The following ASB5 variants were observed in gnomAD, a reference collection of about 807,000 sequenced individuals.
ASB5 encodes ankyrin repeat and SOCS box protein 5.
Under a neutral mutation model 42.1 loss-of-function variants are expected in ASB5, and 45 were observed. The observed-to-expected ratio is 1.07, with a 90% CI of 0.84 to 1.37. The LOEUF (loss-of-function observed/expected upper bound fraction) is 1.37. ASB5 is among the 40% of genes most tolerant of loss of function. ASB5 has a pLI of 0.00. For missense variants in ASB5, 402 were observed against 399.8 expected (o/e 1.01, Z -0.05); for synonymous variants, 147 against 150.6 (o/e 0.98, Z 0.18).
intron 1 of ASB5, among the ~76,000 whole-genome samples, chr4:176,231,631 T>C (rs1753546112): frequency 7.5e-6 from 1 of 133,586 alleles, no homozygotes; most frequent in Non-Finnish European, 1.5e-5. Context: ...GAGATCAGCC[T>C]GGGCAACATA....
intron 1 of ASB5, among the ~76,000 whole-genome samples, chr4:176,244,036 T>C (rs1753862043): frequency 6.6e-6 from 1 of 152,204 alleles, no homozygotes; most frequent in Non-Finnish European, 1.5e-5. Context: ...TAATCACCGA[T>C]GTATTTGGAT....
At chr4:176,271,843 C>G (rs935615375), upstream of ASB5, among the ~76,000 whole-genome samples, 19 of 151,990 alleles carry the variant, frequency 1.3e-4, no homozygotes, top group African/African-American at 4.6e-4. Flanking sequence ...ATAGTTCTAA[C>G]TAAAATACAT....
rs1200634859 is a variant in ASB5, at chr4:176,257,000, T to C, written c.196+11913A>G. 5.3e-5 allele frequency among the ~76,000 whole-genome samples: 8 copies of C among 152,130 alleles called. No individual in the cohort carries two copies. The South Asian group carries it at 6.2e-4, about 12-fold the overall frequency. On this transcript the variant is annotated intron_variant, in intron 1 of 6. Coordinates refer to ENST00000296525, the MANE Select transcript of ASB5 (RefSeq NM_080874.4). ...GAGAAAATAAAGGAAAAAAGACAAA[T>C]CCCTGAGCTAGCTGACTCAGTTCTT...
At chr4:176,248,996 T>A (rs551015294) in intron 1 of ASB5, among the ~76,000 whole-genome samples, 419 of 152,370 alleles carry the variant, frequency 2.7e-3, no homozygotes, top group Non-Finnish European at 4.6e-3. Flanking sequence ...AGACAGAGTC[T>A]TGTTCTGTCG....
intron 1 of ASB5, among the ~76,000 whole-genome samples, chr4:176,263,785 G>A (rs1322788364): frequency 6.6e-6 from 1 of 152,136 alleles, no homozygotes; most frequent in African/African-American, 2.4e-5. Flanking sequence ...CAGGAAACAA[G>A]TTGCTCCTCA....
chr4:176,230,025 C>T (rs778576928), intron 1 of ASB5, among the ~76,000 whole-genome samples: 1 of 152,162 alleles, frequency 6.6e-6, no homozygotes, highest in Non-Finnish European at 1.5e-5. Flanking sequence ...CCTGGATTGG[C>T]ACCCCAGCTC....
At chr4:176,273,470 T>C (rs963031585), upstream of ASB5, among the ~76,000 whole-genome samples, 1 of 151,854 alleles carries the variant, frequency 6.6e-6, no homozygotes, top group Non-Finnish European at 1.5e-5. Flanking sequence ...GAAAAAAAAA[T>C]AAAGGCAAAT....
At chr4:176,270,740 G>C (rs1366385585), upstream of ASB5, among the ~76,000 whole-genome samples, 2 of 152,112 alleles carry the variant, frequency 1.3e-5, no homozygotes, top group East Asian at 3.9e-4. Context: ...CTACTGGTAA[G>C]ACTGTGTCAG....
intron 1 of ASB5, among the ~76,000 whole-genome samples, chr4:176,231,428 AACTTAT>A (rs1753540464): frequency 9.0e-6 from 1 of 110,842 alleles, no homozygotes; most frequent in Non-Finnish European, 1.8e-5. Flanking sequence ...TGCTGGTCCT[AACTTAT>A]TTTTTTCTCC....
rs763092481 is a variant in ASB5, at chr4:176,221,491, T to G, written c.494A>C (p.Glu165Ala). ...ATGCGTTGGGGATGGAAGACATGAC[T>G]CCAGCTGGGCTTTGGCACCATACTC... The part of the protein sequence containing the change: ...LLEYGAKAQL[E>A]SCLPSPTHEA... The change falls in exon 4 of 7, where the codon GAG becomes GCG. Residue 165 changes from glutamate to alanine, a missense_variant. Coordinates refer to ENST00000296525, the MANE Select transcript of ASB5 (RefSeq NM_080874.4). 9 of 1,614,154 alleles carry G rather than the reference T, an allele frequency of 5.6e-6. No homozygotes were observed. The highest frequency in any genetic ancestry group is 5.5e-5 in the South Asian group (5 of 91,086).
chr4:176,261,935 A>G (rs537084248), intron 1 of ASB5, among the ~76,000 whole-genome samples: 91 of 150,902 alleles, frequency 6.0e-4, no homozygotes, highest in African/African-American at 2.2e-3. Flanking sequence ...TTAGTTATGT[A>G]TTACATATTA....
In ASB5 at chr4:176,255,157, C is replaced by G. The variant is rs554871889; in HGVS notation, c.196+13756G>C. On this transcript the variant is annotated intron_variant, in intron 1 of 6. Transcript: ENST00000296525. Reference sequence around the variant, plus strand: ...AAGAAACAAACAAACAAACAAAAAACCACAATGAGATACCATCTCACTTTG... The same window carrying G: ...AAGAAACAAACAAACAAACAAAAAAGCACAATGAGATACCATCTCACTTTG... 2.3e-4 allele frequency among the ~76,000 whole-genome samples: 35 copies of G among 152,136 alleles called. No homozygotes were observed. The East Asian group carries it at 6.6e-3, about 28-fold the overall frequency.
At chr4:176,268,395 T>G (rs1223728269) in intron 1 of ASB5, among the ~76,000 whole-genome samples, 1 of 152,204 alleles carries the variant, frequency 6.6e-6, no homozygotes, top group Non-Finnish European at 1.5e-5. Flanking sequence ...ATCTTCTTTG[T>G]GTGTGTGCTT....
In ASB5 at chr4:176,268,921, TG is replaced by T; in HGVS notation, c.187del (p.Gln63LysfsTer24). The T allele has an allele frequency of 1.9e-6, 3 of 1,610,076 alleles. No homozygotes were observed. Among genetic ancestry groups the T allele is most frequent in the Non-Finnish European group, 2.5e-6 (3 of 1,178,154 alleles). On this transcript the variant is annotated frameshift_variant, in exon 1 of 7. Coordinates refer to ENST00000296525, the MANE Select transcript of ASB5 (RefSeq NM_080874.4). LOFTEE classifies it high-confidence loss of function. Reference sequence around the variant, plus strand: ...GATTATCATAAACATACCTTGTCCTTGGGTTACTCCATAAAATTCAGCTGCT... The same window carrying T: ...GATTATCATAAACATACCTTGTCCTTGGTTACTCCATAAAATTCAGCTGCT... ...RIAAEFYGVT[Q>X]GQGSWADRSP...
chr4:176,246,423 T>C (rs1753913429), intron 1 of ASB5, among the ~76,000 whole-genome samples: 1 of 152,218 alleles, frequency 6.6e-6, no homozygotes, highest in African/African-American at 2.4e-5. Flanking sequence ...GAATGGACTC[T>C]GAAAGATAAT....
upstream of ASB5, among the ~76,000 whole-genome samples, chr4:176,270,755 G>A (rs564721252): frequency 3.4e-4 from 51 of 152,116 alleles, no homozygotes; most frequent in Non-Finnish European, 6.8e-4. Flanking sequence ...TGTCAGTTGA[G>A]TCAATACATG....
chr4:176,226,894 A>C (rs1753395994), intron 1 of ASB5, among the ~76,000 whole-genome samples: 1 of 152,228 alleles, frequency 6.6e-6, no homozygotes, highest in Non-Finnish European at 1.5e-5. Flanking sequence ...GAAGTGAAGC[A>C]TGAGCCCTGC....
intron 1 of ASB5, among the ~76,000 whole-genome samples, chr4:176,250,727 C>A (rs1754016378): frequency 6.6e-6 from 1 of 152,168 alleles, no homozygotes. Flanking sequence ...TAGTTAACGC[C>A]ACGTGCGAAC....
rs189829568 is a variant in ASB5, at chr4:176,255,234, C to T, written c.196+13679G>A. 5.3e-4 allele frequency among the ~76,000 whole-genome samples: 80 copies of T among 152,202 alleles called. No homozygotes were observed. In the East Asian group the frequency reaches 8.1e-3, roughly 15 times the overall value. On this transcript the variant is annotated intron_variant, in intron 1 of 6. Coordinates refer to ENST00000296525, the MANE Select transcript of ASB5 (RefSeq NM_080874.4). The stretch of plus-strand genomic sequence containing the variant: ...AAAACAACAGATGCTGGGGAAGCTG[C>T]GGAGAAATGGGAATGGTCATACAAC...
Sources: allele counts gnomAD v4.1 joint callset (sites outside exome capture counted in the v4.1 genomes callset), GRCh38; gene constraint gnomAD v4.1.1; transcripts MANE v1.5; gene names NCBI Gene and HGNC (gene_info 2026-07-23, HGNC 2026-07-21).